The following DIAPH2 variants were observed in gnomAD, a reference collection of about 807,000 sequenced individuals.
DIAPH2 encodes the protein diaphanous related formin 2.
DIAPH2 carries 35 observed loss-of-function variants against 92.7 expected under a neutral mutation model. The observed-to-expected ratio is 0.38, with a 90% confidence interval of 0.29 to 0.50. The LOEUF is 0.50. Ranked by LOEUF, DIAPH2 falls within the 20% of genes least tolerant of loss-of-function variation. DIAPH2 has a pLI of 0.94. For synonymous variants in DIAPH2, 301 were observed against 280.4 expected, an observed-to-expected ratio of 1.07 and a Z score of -0.73; for missense variants, 701 against 819.5, an observed-to-expected ratio of 0.86 and a Z score of 1.77.
rs188626527 is a variant in DIAPH2, at chrX:97,065,088, C to T, written c.2051-7853C>T. Among the ~76,000 whole-genome samples, 324 of 111,595 alleles carry T rather than the reference C, an allele frequency of 2.9e-3. 1 individual carries two copies. The highest frequency in any genetic ancestry group is 5.0e-3 in the Non-Finnish European group (265 of 53,131). On this transcript the variant is annotated intron_variant, in intron 17 of 26. Coordinates refer to ENST00000324765, the MANE Select transcript of DIAPH2 (RefSeq NM_006729.5). ...CTAGTGATACTGGTTTTTGTAGCAT[C>T]GCAATTCCTACAGATATGCCTTTCT...
At chrX:97,227,515 C>T (rs1387872199) in intron 22 of DIAPH2, among the ~76,000 whole-genome samples, 1 of 111,759 alleles carries the variant, frequency 8.9e-6, no homozygotes, top group African/African-American at 3.3e-5. Context: ...TACCCCTTAC[C>T]TTCAAGGACG....
intron 5 of DIAPH2, among the ~76,000 whole-genome samples, chrX:96,907,553 C>T (rs2065441485): frequency 8.9e-6 from 1 of 112,010 alleles, no homozygotes; most frequent in Non-Finnish European, 1.9e-5. Context: ...AGAACTGCTA[C>T]TTACTTGTTG....
chrX:97,498,361 G>A (rs1455681347), intron 26 of DIAPH2, among the ~76,000 whole-genome samples: 1 of 111,550 alleles, frequency 9.0e-6, no homozygotes, highest in Non-Finnish European at 1.9e-5. Context: ...GTTTCTGCAT[G>A]TGTCTCATTA....
chrX:96,710,236 T>C (rs757028766), intron 1 of DIAPH2, among the ~76,000 whole-genome samples: 4 of 111,896 alleles, frequency 3.6e-5, no homozygotes, highest in African/African-American at 1.3e-4. Flanking sequence ...CCACAATAGT[T>C]CTTTTCAAAT....
intron 5 of DIAPH2, among the ~76,000 whole-genome samples, chrX:96,899,734 A>C (rs772004849): frequency 2.6e-4 from 28 of 109,585 alleles, no homozygotes; most frequent in African/African-American, 8.9e-4. Flanking sequence ...TCTCCTGCCT[A>C]ATTGCCCTGG....
chrX:96,830,434 G>C (rs1344036805), intron 4 of DIAPH2, among the ~76,000 whole-genome samples: 1 of 108,276 alleles, frequency 9.2e-6, no homozygotes, highest in East Asian at 2.9e-4. Flanking sequence ...AGCCGGGCAT[G>C]GTGGCGGGTG....
At chrX:97,077,522 A>G (rs1307442516) in intron 19 of DIAPH2, among the ~76,000 whole-genome samples, 1 of 112,048 alleles carries the variant, frequency 8.9e-6, no homozygotes. Flanking sequence ...TTGTCTCCTC[A>G]TAGCAACAAA....
chrX:96,865,274 G>A (rs2065097583), intron 4 of DIAPH2, among the ~76,000 whole-genome samples: 1 of 111,611 alleles, frequency 9.0e-6, no homozygotes, highest in African/African-American at 3.3e-5. Context: ...CGATGACCTT[G>A]AGCAGTAGGA....
intron 26 of DIAPH2, among the ~76,000 whole-genome samples, chrX:97,548,370 T>C (rs1219486701): frequency 8.9e-6 from 1 of 112,136 alleles, no homozygotes; most frequent in Non-Finnish European, 1.9e-5. Flanking sequence ...CCATGACTCT[T>C]CTGCGGCTCT....
At chrX:96,744,367 T>G (rs1278859196) in intron 3 of DIAPH2, among the ~76,000 whole-genome samples, 1 of 112,635 alleles carries the variant, frequency 8.9e-6, no homozygotes, top group East Asian at 2.8e-4. Context: ...GAAAATTGGT[T>G]CATTAACTTG....
At chrX:96,738,560 T>TTTTA in intron 2 of DIAPH2, 26 bp from the exon 3 acceptor site, 1 of 1,158,444 alleles carries the variant, frequency 8.6e-7, no homozygotes, top group Non-Finnish European at 1.2e-6. Context: ...TCTCAGGGCT[T>TTTTA]TTTATTTATT....
At chrX:97,294,717 T>C (rs1337864443) in intron 23 of DIAPH2, among the ~76,000 whole-genome samples, 1 of 111,872 alleles carries the variant, frequency 8.9e-6, no homozygotes, top group Non-Finnish European at 1.9e-5. Context: ...CTTAAACATA[T>C]GTAGGTCATA....
chrX:97,467,176 A>G (rs2070520250), intron 26 of DIAPH2, among the ~76,000 whole-genome samples: 1 of 112,144 alleles, frequency 8.9e-6, no homozygotes, highest in South Asian at 3.7e-4. Flanking sequence ...TAATTTGAGA[A>G]TATGAGATAG....
At chrX:97,519,689 T>G (rs73554323) in intron 26 of DIAPH2, among the ~76,000 whole-genome samples, 2,018 of 112,054 alleles carry the variant, frequency 0.018, 44 homozygotes, top group African/African-American at 0.062. Context: ...TTTGTTATTT[T>G]TCTGTAGTCT....
chrX:96,778,464 T>C (rs999884190), intron 4 of DIAPH2, among the ~76,000 whole-genome samples: 114 of 110,891 alleles, frequency 1.0e-3, no homozygotes, highest in African/African-American at 3.7e-3. Flanking sequence ...TGTAACACTT[T>C]ACTCCTAAAT....
rs763532633 is a variant in DIAPH2, at chrX:96,916,195, A to G, written c.733-243A>G. Among the ~76,000 whole-genome samples the G allele has an allele frequency of 6.3e-5, 7 of 110,713 alleles. No individual in the cohort carries two copies. The South Asian group carries it at 2.6e-3, about 42-fold the overall frequency. On this transcript the variant is annotated intron_variant, in intron 7 of 26. Transcript: ENST00000324765. ...ACTGATTGTTCCCATATTTCTCCAA[A>G]TTTATGGAATTTTTAGGGCAGGCTA...
At chrX:96,918,855 G>T (rs904394070) in intron 9 of DIAPH2, among the ~76,000 whole-genome samples, 4 of 112,050 alleles carry the variant, frequency 3.6e-5, no homozygotes, top group African/African-American at 9.7e-5. Context: ...AGTAATTAAT[G>T]TAATAAACCA....
At chrX:97,256,868 T>G (rs1425583300) in intron 23 of DIAPH2, among the ~76,000 whole-genome samples, 1 of 110,958 alleles carries the variant, frequency 9.0e-6, no homozygotes, top group Non-Finnish European at 1.9e-5. Context: ...TTTCACCATA[T>G]TAGCCAGGCT....
At chrX:97,187,613 G>A (rs973610905) in intron 22 of DIAPH2, among the ~76,000 whole-genome samples, 2 of 110,302 alleles carry the variant, frequency 1.8e-5, no homozygotes, top group Admixed American at 9.8e-5. Flanking sequence ...AATGTGATGA[G>A]TACCTTAACT....
Sources: allele counts gnomAD v4.1 joint callset (sites outside exome capture counted in the v4.1 genomes callset), GRCh38; gene constraint gnomAD v4.1.1; transcripts MANE v1.5; gene names NCBI Gene and HGNC (gene_info 2026-07-23, HGNC 2026-07-21).